CREB5: variants seen among roughly 807,000 people sequenced by gnomAD.
The protein encoded by CREB5 is cAMP responsive element binding protein 5, also known as cyclic AMP-responsive element-binding protein 5.
In CREB5, 19 loss-of-function variants were observed where a neutral mutation model predicts 57.1. The observed-to-expected ratio is 0.33, with a 90% CI of 0.23 to 0.49. The LOEUF is 0.49. Among genes scored for constraint, CREB5 ranks in the 20% least tolerant of loss-of-function variants. The probability of loss-of-function intolerance (pLI) is 0.99; values close to 1 mark genes in which losing one functional copy is unlikely to be tolerated. For missense variants in CREB5, 579 were observed against 671.6 expected (o/e 0.86, Z 1.52); for synonymous variants, 238 against 238.3 (o/e 1.00, Z 0.01).
intron 1 of CREB5, among the ~76,000 whole-genome samples, chr7:28,329,839 C>T (rs1022460597): frequency 6.6e-6 from 1 of 152,258 alleles, no homozygotes; most frequent in Admixed American, 6.5e-5. Flanking sequence ...ACAACTTTAG[C>T]TGTGCCATCC....
intron 1 of CREB5, among the ~76,000 whole-genome samples, chr7:28,332,124 A>C (rs1228668773): frequency 1.3e-5 from 2 of 152,312 alleles, no homozygotes; most frequent in Non-Finnish European, 2.9e-5. Context: ...GGAGAAGGCT[A>C]CATGAAGATG....
At position 28,707,695 on chromosome 7, in the gene CREB5, A is replaced by C. The variant is rs1345851107; in HGVS notation, c.465-11058A>C. Among the ~76,000 whole-genome samples, 7 of 152,186 alleles carry C rather than the reference A, an allele frequency of 4.6e-5. No individual in the cohort carries two copies. The East Asian group carries it at 1.3e-3, about 29-fold the overall frequency. ...AGAGCCCAAGAAGAGGAAATTTCAA[A>C]ATCTCTATTAGCCATTTAATTGTTT... On this transcript the variant is annotated intron_variant, in intron 5 of 10. Transcript: ENST00000357727.
chr7:28,792,465 T>C (rs1340764783), intron 7 of CREB5, among the ~76,000 whole-genome samples: 1 of 152,220 alleles, frequency 6.6e-6, no homozygotes, highest in Non-Finnish European at 1.5e-5. Context: ...CAGTATGATT[T>C]GGATGCGTAT....
At chr7:28,598,882 T>C (rs1796801019) in intron 5 of CREB5, among the ~76,000 whole-genome samples, 1 of 152,182 alleles carries the variant, frequency 6.6e-6, no homozygotes, top group Non-Finnish European at 1.5e-5. Context: ...TTTAAAAAGC[T>C]TTCATTTTTA....
At chr7:28,334,923 G>T (rs992950595) in intron 1 of CREB5, among the ~76,000 whole-genome samples, 1 of 152,124 alleles carries the variant, frequency 6.6e-6, no homozygotes, top group Non-Finnish European at 1.5e-5. Flanking sequence ...TCTGCATATG[G>T]ATATCCAGTT....
intron 5 of CREB5, among the ~76,000 whole-genome samples, chr7:28,633,755 G>A (rs1562538959): frequency 6.6e-6 from 1 of 152,294 alleles, no homozygotes; most frequent in African/African-American, 2.4e-5. Context: ...AACTCCAAGA[G>A]CATCTCCAAA....
At chr7:28,417,593 T>C (rs1478946958) in intron 1 of CREB5, among the ~76,000 whole-genome samples, 1 of 152,192 alleles carries the variant, frequency 6.6e-6, no homozygotes, top group Admixed American at 6.5e-5. Context: ...TTTAATTGGT[T>C]TGGGGTGAAG....
At chr7:28,532,164 C>T (rs1793758222) in intron 4 of CREB5, among the ~76,000 whole-genome samples, 1 of 152,184 alleles carries the variant, frequency 6.6e-6, no homozygotes, top group South Asian at 2.1e-4. Context: ...ACTCAAGCAG[C>T]CCTGTGGAGA....
chr7:28,798,365 A>AGAGTGGGTGT (rs147762769), intron 7 of CREB5, among the ~76,000 whole-genome samples: 3 of 142,810 alleles, frequency 2.1e-5, no homozygotes, highest in Non-Finnish European at 3.0e-5. Context: ...TAAATTGCCC[A>AGAGTGGGTGT]GGGTGGGTGT....
intron 5 of CREB5, among the ~76,000 whole-genome samples, chr7:28,575,860 AT>A (rs1447816329): frequency 1.3e-5 from 2 of 152,154 alleles, no homozygotes; most frequent in Non-Finnish European, 2.9e-5. Flanking sequence ...GCCTTGAGAA[AT>A]TACCTCTGAC....
intron 1 of CREB5, among the ~76,000 whole-genome samples, chr7:28,439,056 C>G (rs903965780): frequency 6.6e-6 from 1 of 152,142 alleles, no homozygotes; most frequent in African/African-American, 2.4e-5. Context: ...ACAGACAGAT[C>G]TACTTGTGAT....
intron 7 of CREB5, among the ~76,000 whole-genome samples, chr7:28,728,630 AT>A (rs2128750786): frequency 6.6e-6 from 1 of 152,254 alleles, no homozygotes; most frequent in African/African-American, 2.4e-5. Context: ...GACTTTTCTT[AT>A]TTTACACGTG....
intron 9 of CREB5, among the ~76,000 whole-genome samples, chr7:28,816,217 AAAG>A (rs1204325154): frequency 6.6e-6 from 1 of 152,170 alleles, no homozygotes; most frequent in Non-Finnish European, 1.5e-5. Context: ...GAACTGAGAA[AAAG>A]AAGGAAGGCC....
chr7:28,763,977 A>AT (rs1461638869), intron 7 of CREB5, among the ~76,000 whole-genome samples: 1 of 151,748 alleles, frequency 6.6e-6, no homozygotes, highest in Non-Finnish European at 1.5e-5. Flanking sequence ...TTATTTTTGT[A>AT]TTTTTTGTAG....
chr7:28,385,686 A>AG (rs957060860), intron 1 of CREB5, among the ~76,000 whole-genome samples: 3 of 152,000 alleles, frequency 2.0e-5, no homozygotes, highest in Non-Finnish European at 4.4e-5. Context: ...CAAAAAAAAA[A>AG]AAGTATGTAT....
Position 28,611,489 on chromosome 7 carries a change from TA to T in CREB5, c.464+40979del, listed in dbSNP as rs59192497. On this transcript the variant is annotated intron_variant, in intron 5 of 10. Transcript: ENST00000357727. ...CAACATGGTGAAACCCCATCTCTAC[TA>T]AAAAAAAAAAAAAAAAAAAAAAAAA... is the stretch of plus-strand genomic sequence containing the variant. Among the ~76,000 whole-genome samples, 471 of 47,962 alleles carry T rather than the reference TA, an allele frequency of 9.8e-3. 3 individuals carry two copies. Among genetic ancestry groups the T allele is most frequent in the African/African-American group, 0.035 (377 of 10,794 alleles). The allele number at this position is 47,962 out of a possible 152,430, so 31.5% of individuals were successfully genotyped here. A position where few individuals can be genotyped will look rare whatever the true frequency, so the allele number is the denominator to read the frequency against.
At chr7:28,316,589 G>A (rs993560647) in intron 1 of CREB5, among the ~76,000 whole-genome samples, 8 of 152,002 alleles carry the variant, frequency 5.3e-5, no homozygotes, top group Non-Finnish European at 8.8e-5. Context: ...TGGGCATCTC[G>A]TATCGCTCCT....
chr7:28,588,315 C>G (rs1003522565), intron 5 of CREB5, among the ~76,000 whole-genome samples: 1 of 152,144 alleles, frequency 6.6e-6, no homozygotes, highest in Non-Finnish European at 1.5e-5. Flanking sequence ...TACATCAGAT[C>G]CCATGTATTA....
At chr7:28,467,993 G>C (rs770238531) in intron 1 of CREB5, among the ~76,000 whole-genome samples, 2 of 152,206 alleles carry the variant, frequency 1.3e-5, no homozygotes, top group African/African-American at 4.8e-5. Flanking sequence ...TAAGACAATG[G>C]TCAGAACTTC....
Sources: allele counts gnomAD v4.1 joint callset (sites outside exome capture counted in the v4.1 genomes callset), GRCh38; gene constraint gnomAD v4.1.1; transcripts MANE v1.5; gene names NCBI Gene and HGNC (gene_info 2026-07-23, HGNC 2026-07-21).